Variants in CHD2 observed in about 807,000 individuals in gnomAD.
CHD2 encodes chromodomain helicase DNA binding protein 2.
In CHD2, 28 loss-of-function variants were observed where a neutral mutation model predicts 243.9. The observed-to-expected ratio is 0.11, with a 90% CI of 0.09 to 0.16. CHD2 has a LOEUF of 0.16. Ranked by LOEUF, CHD2 falls within the 10% of genes least tolerant of loss-of-function variation. The pLI is 1.00. For synonymous variants in CHD2, 775 were observed against 779.0 expected, an observed-to-expected ratio of 0.99 and a Z score of 0.09; for missense variants, 1,386 against 2,209.8, an observed-to-expected ratio of 0.63 and a Z score of 7.47.
chr15:92,945,727 T>G, intron 10 of CHD2, 94 bp from the exon 11 acceptor site: 1 of 713,262 alleles, frequency 1.4e-6, no homozygotes, highest in South Asian at 2.3e-5. Context: ...AGGTGTGAGG[T>G]AGTAGAATAT....
rs908412759 is a variant in CHD2 at position 92,960,407 on chromosome 15, GT to G, written c.2000+3764del. On this transcript the variant is annotated intron_variant, in intron 16 of 38. Transcript: ENST00000394196. ...TGGGAGCAGGATGTTGGCTATAGATGTTTTTTGTAGATAACCTTTATTGGGT... is the reference window on the plus strand; with the variant it reads ...TGGGAGCAGGATGTTGGCTATAGATGTTTTTGTAGATAACCTTTATTGGGT... Among the ~76,000 whole-genome samples, 5 of 152,192 alleles carry G rather than the reference GT, an allele frequency of 3.3e-5. No homozygotes were observed. In the South Asian group the frequency reaches 1.0e-3, roughly 32 times the overall value.
rs951452161 is a variant in CHD2 at position 92,993,527 on chromosome 15, T to A, written c.3595+529T>A. 4.6e-5 allele frequency among the ~76,000 whole-genome samples: 7 copies of A among 152,356 alleles called. No homozygotes were observed. In the South Asian group the frequency reaches 1.2e-3, roughly 27 times the overall value. Reference sequence around the variant, plus strand: ...GACATGCAGTGTGTTTTCTCTTTGATACCAGAAAGTGATTTTGCCTGTCCT... The same window carrying A: ...GACATGCAGTGTGTTTTCTCTTTGAAACCAGAAAGTGATTTTGCCTGTCCT... On this transcript the variant is annotated intron_variant, in intron 28 of 38. Coordinates refer to ENST00000394196, the MANE Select transcript of CHD2 (RefSeq NM_001271.4).
chr15:92,965,741 A>G (rs1040629345), intron 16 of CHD2, among the ~76,000 whole-genome samples: 2 of 152,148 alleles, frequency 1.3e-5, no homozygotes, highest in Non-Finnish European at 2.9e-5. Context: ...GTGTGTGTAG[A>G]TCAAGAACTA....
intron 20 of CHD2, among the ~76,000 whole-genome samples, chr15:92,976,380 A>G (rs1007885233): frequency 6.6e-6 from 1 of 152,194 alleles, no homozygotes; most frequent in African/African-American, 2.4e-5. Context: ...ATACAAAGAA[A>G]AAAACAATTG....
In CHD2 at chr15:92,910,812, T is replaced by C. The variant is rs2052719071; in HGVS notation, c.62+9513T>C. On this transcript the variant is annotated intron_variant, in intron 2 of 38. Transcript: ENST00000394196. ...TGCTGGTTGTACGGTCATGTGTTGC[T>C]TAGCAATGGAGATACATTCTGAGAA... 3.9e-5 allele frequency among the ~76,000 whole-genome samples: 6 copies of C among 152,362 alleles called. No individual in the cohort carries two copies. The South Asian group carries it at 1.2e-3, about 32-fold the overall frequency.
intron 28 of CHD2, among the ~76,000 whole-genome samples, chr15:92,995,650 C>G (rs2054178298): frequency 6.6e-6 from 1 of 151,920 alleles, no homozygotes; most frequent in African/African-American, 2.4e-5. Flanking sequence ...TCACACTTCC[C>G]CCCTAGTATT....
At chr15:92,993,242 C>A in intron 28 of CHD2, 1 of 402,920 alleles carries the variant, frequency 2.5e-6, no homozygotes, top group Non-Finnish European at 4.6e-6. Flanking sequence ...TTTTGTGTTG[C>A]TGTAGAAAGT....
chr15:93,016,040 A>G (rs1046290931), intron 37 of CHD2, among the ~76,000 whole-genome samples: 5 of 152,264 alleles, frequency 3.3e-5, no homozygotes, highest in African/African-American at 1.2e-4. Context: ...AGTTATGTTG[A>G]AGAAATGCCT....
In CHD2 at chr15:93,000,498, C is replaced by CT; in HGVS notation, c.4009-13dup. The CT allele has an allele frequency of 6.3e-7, 1 of 1,599,340 alleles. No individual in the cohort carries two copies. On this transcript the variant is annotated splice_polypyrimidine_tract_variant and intron_variant, in intron 31 of 38. Coordinates refer to ENST00000394196, the MANE Select transcript of CHD2 (RefSeq NM_001271.4). ...TGATTTGTATTTTAATCATCATTTT[C>CT]TCTCCTTTTCCAGGCCAAATTAAAG...
rs8040470 is a variant in CHD2 at position 93,002,018 on chromosome 15, G to A, written c.4138-159G>A. Among the ~76,000 whole-genome samples the A allele has an allele frequency of 0.01, 1,592 of 152,306 alleles. 31 individuals are homozygous for A. Among genetic ancestry groups the A allele is most frequent in the African/African-American group, 0.037 (1,532 of 41,568 alleles). On this transcript the variant is annotated intron_variant, in intron 32 of 38. Transcript: ENST00000394196. ...AGTTGTAACTGGTTATTACTGGAAA[G>A]TTTAGACTTCTCTGAGTCCCTTGAG...
intron 5 of CHD2, among the ~76,000 whole-genome samples, chr15:92,936,660 GA>G (rs1401051718): frequency 1.3e-5 from 2 of 152,092 alleles, no homozygotes; most frequent in Non-Finnish European, 2.9e-5. Flanking sequence ...GTTTATTGTT[GA>G]AAAATAATTT....
intron 2 of CHD2, among the ~76,000 whole-genome samples, chr15:92,915,717 T>C (rs1381105935): frequency 1.3e-5 from 2 of 152,218 alleles, no homozygotes; most frequent in African/African-American, 4.8e-5. Flanking sequence ...AATTTTCTTT[T>C]TGATATTGTG....
chr15:92,922,509 G>A (rs2052976600), intron 2 of CHD2, among the ~76,000 whole-genome samples: 1 of 152,080 alleles, frequency 6.6e-6, no homozygotes, highest in Non-Finnish European at 1.5e-5. Context: ...AATGTGCTGT[G>A]GATCGCATGG....
chr15:92,922,398 C>T (rs931696050), intron 2 of CHD2, among the ~76,000 whole-genome samples: 4 of 152,176 alleles, frequency 2.6e-5, no homozygotes, highest in Non-Finnish European at 1.5e-5. Flanking sequence ...TGGTTTTTCT[C>T]ATCTTTCCCC....
intron 2 of CHD2, among the ~76,000 whole-genome samples, chr15:92,904,063 TACCAAAGC>T (rs1567116433): frequency 6.6e-6 from 1 of 152,180 alleles, no homozygotes; most frequent in African/African-American, 2.4e-5. Context: ...AAATCTGAAA[TACCAAAGC>T]CTATTTCCTT....
At chr15:92,932,289 CTTTT>C (rs34925592) in intron 5 of CHD2, among the ~76,000 whole-genome samples, 2 of 139,924 alleles carry the variant, frequency 1.4e-5, no homozygotes, top group Admixed American at 1.4e-4. Flanking sequence ...AGTTGCACAT[CTTTT>C]TTTTTTTTTT....
intron 2 of CHD2, among the ~76,000 whole-genome samples, chr15:92,913,163 G>A (rs1390752915): frequency 1.3e-5 from 2 of 152,226 alleles, no homozygotes; most frequent in African/African-American, 4.8e-5. Context: ...ATGTTGAACA[G>A]CAACCTCAGT....
chr15:93,013,661 G>A (rs760901995), intron 36 of CHD2, among the ~76,000 whole-genome samples: 2 of 152,272 alleles, frequency 1.3e-5, no homozygotes, highest in South Asian at 4.1e-4. Flanking sequence ...GTGGCTAGGC[G>A]CGGTGGCTCG....
intron 2 of CHD2, among the ~76,000 whole-genome samples, chr15:92,919,416 G>A (rs1430288532): frequency 7.3e-5 from 11 of 150,440 alleles, no homozygotes; most frequent in African/African-American, 1.2e-4. Context: ...TTTTGGAGAC[G>A]GAGTCTTGCT....
Sources: gnomAD v4.1 joint callset for allele counts (sites outside exome capture counted in the v4.1 genomes callset) on GRCh38, gnomAD v4.1.1 for gene constraint, MANE v1.5 for transcripts, NCBI Gene and HGNC (gene_info 2026-07-23, HGNC 2026-07-21) for gene names.